The following SETX variants were observed in gnomAD, a reference collection of about 807,000 sequenced individuals.
SETX encodes the protein helicase senataxin.
Under a neutral mutation model 227.2 loss-of-function variants are expected in SETX, and 90 were observed. The ratio of observed to expected loss-of-function variants is 0.40; its 90% CI spans 0.33 to 0.47. The LOEUF (loss-of-function observed/expected upper bound fraction) is 0.47, where lower values mean the gene tolerates loss of function less well. Ranked by LOEUF, SETX falls within the 20% of genes least tolerant of loss-of-function variation. SETX has a pLI of 0.91. For missense variants in SETX, 3,052 were observed against 3,181.5 expected, an observed-to-expected ratio of 0.96 and a Z score of 0.98; for synonymous variants, 1,210 against 1,113.2, an observed-to-expected ratio of 1.09 and a Z score of -1.73.
chr9:132,354,777 G>A (rs376580350), intron 1 of SETX, 140 bp downstream of exon 1: 7 of 152,108 alleles, frequency 4.6e-5, no homozygotes, highest in African/African-American at 9.7e-5. Context: ...GGAAGCGGCC[G>A]AGCCCGCGCC....
In SETX at chr9:132,334,638, T is replaced by C. The variant is rs1387745582; in HGVS notation, c.808A>G (p.Ile270Val). Residue 270 changes from isoleucine (I) to valine (V), a missense_variant, in exon 7 of 26, where the codon ATA (isoleucine) becomes GTA (valine). Around this residue, in one of 10 missense-constraint regions of SETX, gnomAD observed 239 missense variants for 240.8 expected, o/e 0.99. Coordinates refer to ENST00000224140, the MANE Select transcript of SETX (RefSeq NM_015046.7). ...SDKQNDFMQS[I>V]LHTMEREADD... is the part of the protein sequence containing the mutation. ...GCTTCCCTCTCCATAGTGTGAAGTA[T>C]CGATTGCATAAAATCATTTTGTTTG... The C allele has an allele frequency of 2.5e-6, 4 of 1,613,970 alleles. No homozygotes were observed. The highest frequency in any genetic ancestry group is 2.7e-5 in the African/African-American group (2 of 74,928).
intron 5 of SETX, among the ~76,000 whole-genome samples, chr9:132,339,112 G>C (rs1236090892): frequency 6.6e-6 from 1 of 152,194 alleles, no homozygotes; most frequent in African/African-American, 2.4e-5. Context: ...GGTATTTTTT[G>C]ATAAACAATA....
intron 4 of SETX, among the ~76,000 whole-genome samples, chr9:132,345,257 T>C (rs1401628472): frequency 6.6e-6 from 1 of 152,162 alleles, no homozygotes; most frequent in African/African-American, 2.4e-5. Context: ...ACAGACATAC[T>C]ACAAGAATGA....
At chr9:132,274,898 T>C (rs935521595) in intron 23 of SETX, 1 of 227,078 alleles carries the variant, frequency 4.4e-6, no homozygotes, top group African/African-American at 2.3e-5. Flanking sequence ...TTTCATTCTA[T>C]ACATAAAGGC....
chr9:132,322,673 C>G (rs773921480), intron 10 of SETX, among the ~76,000 whole-genome samples: 12 of 152,166 alleles, frequency 7.9e-5, no homozygotes, highest in Non-Finnish European at 1.5e-4. Flanking sequence ...ATGTTCCAAT[C>G]TACTCTTTAG....
At chr9:132,291,441 C>T (rs555408792) in intron 15 of SETX, among the ~76,000 whole-genome samples, 18 of 152,160 alleles carry the variant, frequency 1.2e-4, no homozygotes, top group Non-Finnish European at 2.5e-4. Flanking sequence ...GCTGGGATTA[C>T]AGGAGTGAGC....
chr9:132,330,616 A>G (rs1589748848), intron 9 of SETX, 117 bp from the exon 10 acceptor site: 2 of 806,654 alleles, frequency 2.5e-6, no homozygotes, highest in East Asian at 5.3e-5. Flanking sequence ...TTACCACATC[A>G]TTATTATGCT....
In SETX at chr9:132,349,487, T is replaced by C. The variant is rs576182937; in HGVS notation, c.-7-52A>G. On this transcript the variant is annotated intron_variant, in intron 2 of 25. Coordinates refer to ENST00000224140, the MANE Select transcript of SETX (RefSeq NM_015046.7). Reference sequence around the variant, plus strand: ...AAGAAAACCAACTTCAGACCTACTGTGTGTCAAGAATAGGTACACTTTCAA... The same window carrying C: ...AAGAAAACCAACTTCAGACCTACTGCGTGTCAAGAATAGGTACACTTTCAA... The C allele has an allele frequency of 7.6e-6, 12 of 1,575,618 alleles. No homozygotes were observed. In the African/African-American group the frequency reaches 9.4e-5, roughly 12 times the overall value.
rs1847224894 is a variant in SETX, at chr9:132,331,381, A to C, written c.906T>G (p.Ser302=). ...CFMVILDRLG[S]KVWGQLMDPI... is the part of the protein sequence containing the mutation. Reference sequence around the variant, plus strand: ...GATCCATAAGTTGACCCCAGACCTTAGATCCAAGGCGATCCAGAATCACCA... The same window carrying C: ...GATCCATAAGTTGACCCCAGACCTTCGATCCAAGGCGATCCAGAATCACCA... The change falls in exon 8 of 26, where the codon TCT becomes TCG. Residue 302 remains serine (S), a synonymous_variant. Transcript: ENST00000224140. 1 of 1,614,022 alleles carries C rather than the reference A, an allele frequency of 6.2e-7. No homozygotes were observed. The highest frequency in any genetic ancestry group is 8.5e-7 in the Non-Finnish European group (1 of 1,180,008).
chr9:132,355,284 G>A (rs368960911), upstream of SETX, among the ~76,000 whole-genome samples: 6 of 152,172 alleles, frequency 3.9e-5, no homozygotes, highest in African/African-American at 1.4e-4. Flanking sequence ...GGCGGCTCCG[G>A]GATGAGCTCT....
Position 132,285,166 on chromosome 9 carries a change from C to A in SETX, c.6396+1257G>T, listed in dbSNP as rs1178712254. Among the ~76,000 whole-genome samples, 4 of 152,020 alleles carry A rather than the reference C, an allele frequency of 2.6e-5. No individual in the cohort carries two copies. The East Asian group carries it at 7.7e-4, about 29-fold the overall frequency. On this transcript the variant is annotated intron_variant, in intron 18 of 25. Transcript: ENST00000224140. ...TGCTGGGAGTACAGGCGTGAGCCAC[C>A]GCGCCTGGCCAAAGCTATTTTCATT...
chr9:132,290,504 G>T (rs943619564), intron 15 of SETX, among the ~76,000 whole-genome samples: 1 of 150,068 alleles, frequency 6.7e-6, no homozygotes, highest in African/African-American at 2.5e-5. Context: ...GAACCCAGAA[G>T]GTGGAGGTTG....
chr9:132,326,274 G>A (rs368331418), intron 10 of SETX, 50 bp downstream of exon 10: 1 of 1,361,140 alleles, frequency 7.3e-7, no homozygotes, highest in Non-Finnish European at 1.0e-6. Context: ...GCAAGGTAAA[G>A]AGGTAACTTG....
chr9:132,264,108 G>T lies in SETX; in HGVS notation c.*131C>A. 1.5e-6 allele frequency: 2 copies of T among 1,291,322 alleles called. No individual in the cohort carries two copies. Among genetic ancestry groups the T allele is most frequent in the South Asian group, 1.2e-5 (1 of 82,794 alleles). The allele number at this position is 1,291,322 out of a possible 1,614,324, so 80.0% of individuals were successfully genotyped here. A position where few individuals can be genotyped will look rare whatever the true frequency, so the allele number is the denominator to read the frequency against. On this transcript the variant is annotated 3_prime_UTR_variant, in exon 26 of 26. Transcript: ENST00000224140. Reference sequence around the variant, plus strand: ...GATGACCAGAGGCTCAGGTGTTAAGGATGCATTTTCCATGTTTTCCAACAG... The same window carrying T: ...GATGACCAGAGGCTCAGGTGTTAAGTATGCATTTTCCATGTTTTCCAACAG...
intron 22 of SETX, among the ~76,000 whole-genome samples, chr9:132,275,978 C>T (rs1281105903): frequency 1.3e-5 from 2 of 152,150 alleles, no homozygotes; most frequent in Admixed American, 6.5e-5. Flanking sequence ...GGCCCTGGAG[C>T]AGGTTCATGT....
At chr9:132,300,203 A>T (rs919349311) in intron 12 of SETX, among the ~76,000 whole-genome samples, 1 of 151,958 alleles carries the variant, frequency 6.6e-6, no homozygotes, top group African/African-American at 2.4e-5. Context: ...ATTTAGGCTA[A>T]TATTTTTGTT....
chr9:132,315,434 C>T (rs1845909685), intron 10 of SETX, among the ~76,000 whole-genome samples: 1 of 152,062 alleles, frequency 6.6e-6, no homozygotes, highest in African/African-American at 2.4e-5. Context: ...AGCCCTCTTC[C>T]TTTGAGGACT....
At position 132,329,547 on chromosome 9, in the gene SETX, A is replaced by G; in HGVS notation, c.2051T>C (p.Leu684Ser). ...IKDVKLEDHL[L>S]AGSCLKQSSK... The stretch of plus-strand genomic sequence containing the variant: ...ACTCTGCTTTAAGCATGACCCAGCT[A>G]AGAGATGGTCCTCTAGTTTCACATC... Residue 684 changes from leucine (L) to serine (S), a missense_variant, in exon 10 of 26, where the codon TTA (leucine) becomes TCA (serine). This residue lies in a region of SETX where 1,483 missense variants were observed against 1,312.0 expected (regional missense o/e 1.13). Coordinates refer to ENST00000224140, the MANE Select transcript of SETX (RefSeq NM_015046.7). The G allele has an allele frequency of 1.2e-6, 2 of 1,613,344 alleles. No homozygotes were observed. The highest frequency in any genetic ancestry group is 4.5e-5 in the East Asian group (2 of 44,864).
At position 132,329,605 on chromosome 9, in the gene SETX, C is replaced by G. The variant is rs1339144218; in HGVS notation, c.1993G>C (p.Glu665Gln). The change falls in exon 10 of 26, where the codon GAA becomes CAA. Residue 665 changes from glutamate to glutamine, a missense_variant. Physicochemically the swap from Glu to Gln is conservative, Grantham distance 29. Coordinates refer to ENST00000224140, the MANE Select transcript of SETX (RefSeq NM_015046.7). ...SVLIKADNTI[E>Q]GDNNEQNYIK... The stretch of plus-strand genomic sequence containing the variant: ...TAATTTTGCTCATTATTGTCACCTT[C>G]TATAGTGTTATCTGCTTTGATCAAT... 4 of 1,613,814 alleles carry G rather than the reference C, an allele frequency of 2.5e-6. No homozygotes were observed. Among genetic ancestry groups the G allele is most frequent in the Admixed American group, 1.7e-5 (1 of 59,990 alleles).
Sources: gnomAD v4.1 joint callset for allele counts (sites outside exome capture counted in the v4.1 genomes callset) on GRCh38, gnomAD v4.1.1 for gene constraint, gnomAD v4.1.1 regional missense constraint, MANE v1.5 for transcripts, NCBI Gene and HGNC (gene_info 2026-07-23, HGNC 2026-07-21) for gene names.